TDRD10: variants seen among roughly 807,000 people sequenced by gnomAD.
TDRD10 encodes the protein tudor domain containing 10, also known as tudor domain-containing protein 10.
A neutral mutation model predicts 48.0 loss-of-function variants in TDRD10; 40 were observed. That is an observed-to-expected ratio of 0.83 (90% CI 0.65 to 1.09). The LOEUF (loss-of-function observed/expected upper bound fraction) is 1.09, where lower values mean the gene tolerates loss of function less well. Ranked by LOEUF, TDRD10 falls within the 50% of genes least tolerant of loss-of-function variation. The pLI is 0.00. For missense variants in TDRD10, 378 were observed against 434.7 expected (o/e 0.87, Z 1.16); for synonymous variants, 162 against 170.4 (o/e 0.95, Z 0.38).
chr1:154,522,342 T>C (rs1694102536), intron 6 of TDRD10, among the ~76,000 whole-genome samples: 1 of 152,102 alleles, frequency 6.6e-6, no homozygotes, highest in Non-Finnish European at 1.5e-5. Context: ...AGTGCACAGA[T>C]GCTGAGAGAT....
chr1:154,539,220 G>A (rs967973029), intron 6 of TDRD10, among the ~76,000 whole-genome samples: 1 of 152,164 alleles, frequency 6.6e-6, no homozygotes, highest in Admixed American at 6.5e-5. Context: ...AAGACAGGTG[G>A]GATTCCTGGT....
intron 6 of TDRD10, among the ~76,000 whole-genome samples, chr1:154,541,350 C>T (rs982814328): frequency 9.9e-5 from 15 of 151,946 alleles, no homozygotes; most frequent in African/African-American, 3.6e-4. Flanking sequence ...TCCTGTTTGC[C>T]CTCTGATGAA....
intron 1 of TDRD10, 73 bp from the exon 2 acceptor site, chr1:154,506,804 A>G: frequency 7.6e-7 from 1 of 1,322,002 alleles, no homozygotes; most frequent in South Asian, 1.2e-5. Context: ...TGCTTACCAC[A>G]GTACCTATTC....
intron 6 of TDRD10, among the ~76,000 whole-genome samples, chr1:154,530,859 A>G (rs1480300561): frequency 7.0e-6 from 1 of 143,042 alleles, no homozygotes; most frequent in Non-Finnish European, 1.5e-5. Context: ...GGTATTTTTC[A>G]GTTTAAATTT....
At chr1:154,513,481 C>T (rs752123613) in intron 4 of TDRD10, among the ~76,000 whole-genome samples, 3 of 152,104 alleles carry the variant, frequency 2.0e-5, no homozygotes, top group Non-Finnish European at 4.4e-5. Context: ...AGTAAGATAC[C>T]TGTTTCAGAC....
intron 6 of TDRD10, among the ~76,000 whole-genome samples, chr1:154,533,713 C>G (rs758745529): frequency 1.3e-5 from 2 of 151,842 alleles, no homozygotes; most frequent in Admixed American, 6.6e-5. Context: ...TCTGAACTTA[C>G]TGCAGCCTCG....
At chr1:154,520,511 T>C in intron 5 of TDRD10, 137 bp downstream of exon 5, 1 of 671,506 alleles carries the variant, frequency 1.5e-6, no homozygotes, top group Non-Finnish European at 2.7e-6. Context: ...AAGGAACATT[T>C]GGGAAACCCC....
At chr1:154,531,174 G>A (rs752538522) in intron 6 of TDRD10, among the ~76,000 whole-genome samples, 1 of 152,148 alleles carries the variant, frequency 6.6e-6, no homozygotes, top group Non-Finnish European at 1.5e-5. Flanking sequence ...GTTTTTGGCT[G>A]AGACTTGGTT....
chr1:154,526,276 G>A (rs1379345350), intron 6 of TDRD10, among the ~76,000 whole-genome samples: 1 of 151,640 alleles, frequency 6.6e-6, no homozygotes, highest in Non-Finnish European at 1.5e-5. Context: ...AGGCACTTTG[G>A]CAGGCTGAGG....
intron 6 of TDRD10, among the ~76,000 whole-genome samples, chr1:154,529,544 T>C (rs1308049570): frequency 9.9e-6 from 1 of 100,512 alleles, no homozygotes; most frequent in African/African-American, 3.3e-5. Context: ...TTTTCTGTGT[T>C]CATTTTTTTT....
intron 5 of TDRD10, among the ~76,000 whole-genome samples, chr1:154,520,858 C>T (rs1034463410): frequency 3.3e-5 from 5 of 152,184 alleles, no homozygotes; most frequent in African/African-American, 1.2e-4. Context: ...CCACCTCAGC[C>T]TCCGAAGTAG....
chr1:154,521,302 C>T (rs1461073504), intron 5 of TDRD10, 21 bp from the exon 6 acceptor site: 1 of 1,611,878 alleles, frequency 6.2e-7, no homozygotes, highest in Non-Finnish European at 8.5e-7. Context: ...CAAAGCCTCC[C>T]TCTCTCTCTT....
At chr1:154,505,459 T>C (rs1024381366) in intron 1 of TDRD10, among the ~76,000 whole-genome samples, 1 of 152,234 alleles carries the variant, frequency 6.6e-6, no homozygotes, top group Non-Finnish European at 1.5e-5. Flanking sequence ...TATCCATCCA[T>C]ACCTGTCTTT....
chr1:154,541,597 A>T (rs1319580591), intron 6 of TDRD10, among the ~76,000 whole-genome samples: 1 of 151,874 alleles, frequency 6.6e-6, no homozygotes. Flanking sequence ...GGCTGTGGGG[A>T]GTGGCAGGGC....
intron 4 of TDRD10, among the ~76,000 whole-genome samples, chr1:154,509,495 G>A (rs921420557): frequency 2.0e-5 from 3 of 152,076 alleles, no homozygotes; most frequent in African/African-American, 2.4e-5. Flanking sequence ...GTCACGTCCC[G>A]CAGCTAAGTA....
chr1:154,515,786 C>T (rs1693730067), intron 4 of TDRD10, among the ~76,000 whole-genome samples: 1 of 152,192 alleles, frequency 6.6e-6, no homozygotes, highest in Non-Finnish European at 1.5e-5. Flanking sequence ...ATGATCTTTG[C>T]TCACTGCCAC....
Position 154,521,487 on chromosome 1 carries a change from T to C in TDRD10, c.369+8T>C. ...CAGCCTCGGGCCCCGCTGGTATGTC[T>C]TCTGGCCTTTCTGCTCTGGGGCGTT... On this transcript the variant is annotated splice_region_variant and intron_variant, in intron 6 of 12. Coordinates refer to ENST00000368482, the MANE Select transcript of TDRD10 (RefSeq NM_182499.4). The C allele has an allele frequency of 6.2e-7, 1 of 1,612,790 alleles. No individual in the cohort carries two copies. The highest frequency in any genetic ancestry group is 1.1e-5 in the South Asian group (1 of 90,974).
At position 154,518,139 on chromosome 1, in the gene TDRD10, G is replaced by A. The variant is rs377168614; in HGVS notation, c.142-2165G>A. ...CGATCCCTTAAACCATGTGGTTGGC[G>A]GTGATTGACTGGAAGGGATGTGTCT... On this transcript the variant is annotated intron_variant, in intron 4 of 12. Transcript: ENST00000368482. 5.3e-5 allele frequency among the ~76,000 whole-genome samples: 8 copies of A among 152,310 alleles called. No individual in the cohort carries two copies. The East Asian group carries it at 1.2e-3, about 22-fold the overall frequency.
At chr1:154,521,082 G>T (rs1001229151) in intron 5 of TDRD10, among the ~76,000 whole-genome samples, 1 of 152,172 alleles carries the variant, frequency 6.6e-6, no homozygotes, top group African/African-American at 2.4e-5. Flanking sequence ...CAAAGTCATA[G>T]ACATACGATG....
Sources: gnomAD v4.1 joint callset for allele counts (sites outside exome capture counted in the v4.1 genomes callset) on GRCh38, gnomAD v4.1.1 for gene constraint, MANE v1.5 for transcripts, NCBI Gene and HGNC (gene_info 2026-07-23, HGNC 2026-07-21) for gene names.